ABLIM1: variants seen among roughly 807,000 people sequenced by gnomAD.
ABLIM1 encodes the protein actin binding LIM protein 1.
A neutral mutation model predicts 107.0 loss-of-function variants in ABLIM1; 40 were observed. That is an observed-to-expected ratio of 0.37 (90% CI 0.29 to 0.49). The LOEUF (loss-of-function observed/expected upper bound fraction) is 0.49, where lower values mean the gene tolerates loss of function less well. ABLIM1 is among the 20% of genes least tolerant of loss of function. ABLIM1 has a pLI of 0.97. For synonymous variants in ABLIM1, 357 were observed against 357.3 expected, an observed-to-expected ratio of 1.00 and a Z score of 0.01; for missense variants, 857 against 1,008.5, an observed-to-expected ratio of 0.85 and a Z score of 2.04.
At chr10:114,617,926 C>T (rs546926967) in intron 1 of ABLIM1, among the ~76,000 whole-genome samples, 20 of 152,064 alleles carry the variant, frequency 1.3e-4, no homozygotes, top group South Asian at 8.3e-4. Context: ...CCAGCTTGGG[C>T]GACATAGCAA....
chr10:114,695,737 C>A (rs2081181414), intron 1 of ABLIM1, among the ~76,000 whole-genome samples: 1 of 152,056 alleles, frequency 6.6e-6, no homozygotes, highest in East Asian at 1.9e-4. Context: ...GAGACAATGC[C>A]ATGGCATTTT....
chr10:114,526,802 C>G, intron 6 of ABLIM1: 2 of 985,516 alleles, frequency 2.0e-6, no homozygotes, highest in Non-Finnish European at 2.4e-6. Flanking sequence ...TCCCACCTGC[C>G]TGGGTTACAT....
At chr10:114,727,780 C>A (rs1011345080) in intron 1 of ABLIM1, among the ~76,000 whole-genome samples, 1 of 152,152 alleles carries the variant, frequency 6.6e-6, no homozygotes, top group African/African-American at 2.4e-5. Flanking sequence ...CATGGAGAAG[C>A]CCCATCTCTA....
chr10:114,476,085 A>C (rs1364079827), intron 8 of ABLIM1, among the ~76,000 whole-genome samples: 2 of 152,156 alleles, frequency 1.3e-5, no homozygotes, highest in Non-Finnish European at 2.9e-5. Context: ...CAGTGATTTG[A>C]CTCATTGCTG....
chr10:114,464,875 T>C (rs2064812504), intron 12 of ABLIM1, among the ~76,000 whole-genome samples: 1 of 152,190 alleles, frequency 6.6e-6, no homozygotes, highest in East Asian at 1.9e-4. Flanking sequence ...ACTGTCACCA[T>C]TAAGTTTTAT....
At chr10:114,654,483 A>G (rs934400595) in intron 1 of ABLIM1, among the ~76,000 whole-genome samples, 4 of 151,940 alleles carry the variant, frequency 2.6e-5, no homozygotes, top group African/African-American at 9.7e-5. Context: ...CTTTTTTTAC[A>G]ATTTTTAAAA....
At chr10:114,616,172 G>C (rs942598665) in intron 1 of ABLIM1, among the ~76,000 whole-genome samples, 1 of 151,218 alleles carries the variant, frequency 6.6e-6, no homozygotes, top group African/African-American at 2.4e-5. Context: ...GTCTCTATAA[G>C]AAAAAAAAAG....
chr10:114,625,172 G>A (rs147278485), intron 1 of ABLIM1, among the ~76,000 whole-genome samples: 138 of 152,330 alleles, frequency 9.1e-4, no homozygotes, highest in African/African-American at 3.2e-3. Context: ...GCAGGTAGGG[G>A]TGAGGCATTA....
At chr10:114,481,184 A>C (rs2057311591) in intron 8 of ABLIM1, among the ~76,000 whole-genome samples, 2 of 152,148 alleles carry the variant, frequency 1.3e-5, no homozygotes, top group South Asian at 4.1e-4. Flanking sequence ...CGGTTGAGTA[A>C]GTAGATAAAT....
chr10:114,453,553 T>A (rs2062247867), intron 12 of ABLIM1, 70 bp from the exon 13 acceptor site: 1 of 1,317,862 alleles, frequency 7.6e-7, no homozygotes, highest in Non-Finnish European at 1.0e-6. Flanking sequence ...AAAGCAAGTG[T>A]AATAAAAATT....
chr10:114,628,321 G>C (rs986236763), intron 1 of ABLIM1, among the ~76,000 whole-genome samples: 2 of 152,254 alleles, frequency 1.3e-5, no homozygotes, highest in African/African-American at 4.8e-5. Flanking sequence ...ATTGTCATGA[G>C]TAAGAAGTCA....
intron 6 of ABLIM1, among the ~76,000 whole-genome samples, chr10:114,504,188 T>C (rs2060813977): frequency 6.6e-6 from 1 of 152,204 alleles, no homozygotes; most frequent in Non-Finnish European, 1.5e-5. Flanking sequence ...TCTTCCCTTA[T>C]CAATTACTTT....
At chr10:114,584,511 A>G (rs528449425) in intron 2 of ABLIM1, among the ~76,000 whole-genome samples, 2 of 152,234 alleles carry the variant, frequency 1.3e-5, no homozygotes, top group South Asian at 4.2e-4. Flanking sequence ...AGCTGAAAGT[A>G]CCACACACGG....
intron 2 of ABLIM1, among the ~76,000 whole-genome samples, chr10:114,599,457 T>C (rs1295171328): frequency 6.6e-6 from 1 of 152,186 alleles, no homozygotes; most frequent in Non-Finnish European, 1.5e-5. Flanking sequence ...TACTACTTCA[T>C]ACTTTCAAAG....
intron 2 of ABLIM1, among the ~76,000 whole-genome samples, chr10:114,581,264 G>C (rs565662498): frequency 1.3e-5 from 2 of 152,188 alleles, no homozygotes; most frequent in Non-Finnish European, 2.9e-5. Flanking sequence ...AAGTATGGGG[G>C]TGTCCAACAA....
At chr10:114,771,603 C>T (rs1454736529), upstream of ABLIM1, among the ~76,000 whole-genome samples, 9 of 152,152 alleles carry the variant, frequency 5.9e-5, no homozygotes, top group Admixed American at 1.3e-4. Context: ...CCAATTCTTC[C>T]AATCATACAG....
Position 114,707,665 on chromosome 10 carries a change from C to T in ABLIM1, c.-213+60396G>A, listed in dbSNP as rs913471961. Among the ~76,000 whole-genome samples the T allele has an allele frequency of 6.6e-6, 1 of 151,962 alleles. No homozygotes were observed. Among genetic ancestry groups the T allele is most frequent in the South Asian group, 2.1e-4 (1 of 4,804 alleles). On this transcript the variant is annotated intron_variant, in intron 1 of 15. Transcript: ENST00000651092. The surrounding 1 kb of genome is among the most constrained non-coding windows in gnomAD (Gnocchi z 4.1). ...TTATAATCCCAACACTTTGGGAGGC[C>T]GTGGTGGGCGGATCACTTAAGGCCA... is the stretch of plus-strand genomic sequence containing the variant.
At chr10:114,468,496 T>G (rs555085231) in intron 10 of ABLIM1, among the ~76,000 whole-genome samples, 17 of 152,206 alleles carry the variant, frequency 1.1e-4, no homozygotes, top group East Asian at 2.0e-4. Flanking sequence ...GGATGGTCTC[T>G]ATCTTCTGAC....
Position 114,433,079 on chromosome 10 carries a change from C to T in ABLIM1, c.*3181G>A, listed in dbSNP as rs1196881837. On this transcript the variant is annotated 3_prime_UTR_variant, in exon 23 of 23. Coordinates refer to ENST00000533213, the MANE Select transcript of ABLIM1 (RefSeq NM_002313.7). Reference sequence around the variant, plus strand: ...TTTTACTTCATGCCATCATTATGCACTTAAGAGTCCCAAGGAAGTCAAATG... The same window carrying T: ...TTTTACTTCATGCCATCATTATGCATTTAAGAGTCCCAAGGAAGTCAAATG... 1 of 152,198 alleles carries T rather than the reference C, an allele frequency of 6.6e-6. No individual in the cohort carries two copies. Among genetic ancestry groups the T allele is most frequent in the East Asian group, 1.9e-4 (1 of 5,198 alleles). 9.4% of individuals were successfully genotyped at this position (152,198 alleles called of 1,614,324 possible). A position where few individuals can be genotyped will look rare whatever the true frequency, so the allele number is the denominator to read the frequency against.
Sources: allele counts gnomAD v4.1 joint callset (sites outside exome capture counted in the v4.1 genomes callset), GRCh38; gene constraint gnomAD v4.1.1; non-coding constraint Gnocchi (gnomAD v3.1); transcripts MANE v1.5; gene names NCBI Gene and HGNC (gene_info 2026-07-23, HGNC 2026-07-21).